Variants in RRP15 observed in about 807,000 individuals in gnomAD.
The protein encoded by RRP15 is ribosomal RNA processing 15 homolog.
RRP15 carries 18 observed loss-of-function variants against 27.1 expected under a neutral mutation model. The observed-to-expected ratio is 0.66, with a 90% CI of 0.46 to 0.98. The LOEUF is 0.98. Ranked by LOEUF, RRP15 falls within the 50% of genes least tolerant of loss-of-function variation. RRP15 has a pLI of 0.00. For synonymous variants in RRP15, 107 were observed against 109.4 expected (o/e 0.98, Z 0.14); for missense variants, 359 against 337.8 (o/e 1.06, Z -0.49).
intron 1 of RRP15, among the ~76,000 whole-genome samples, chr1:218,287,718 A>G (rs1331367861): frequency 6.6e-6 from 1 of 152,206 alleles, no homozygotes; most frequent in African/African-American, 2.4e-5. Context: ...TACGTGTATT[A>G]TTGATAATAT....
At position 218,337,155 on chromosome 1, in the gene RRP15, G is replaced by A. The variant is rs1411517140; in HGVS notation, c.*6064G>A. On this transcript the variant is annotated 3_prime_UTR_variant, in exon 5 of 5. Transcript: ENST00000366932. The stretch of plus-strand genomic sequence containing the variant: ...GTCTATCTAGCACAGTGCCTGTTAT[G>A]TAGTAGCGTGTCAAGAGATGTTCTC... 6.6e-6 allele frequency: 1 copy of A among 152,196 alleles called. No individual in the cohort carries two copies. The highest frequency in any genetic ancestry group is 6.5e-5 in the Admixed American group (1 of 15,274). 9.4% of individuals were successfully genotyped at this position (152,196 alleles called of 1,614,324 possible).
At chr1:218,299,529 T>C (rs985082809) in intron 1 of RRP15, among the ~76,000 whole-genome samples, 3 of 152,144 alleles carry the variant, frequency 2.0e-5, no homozygotes, top group African/African-American at 7.2e-5. Flanking sequence ...TACAGTACCA[T>C]TGAAAAACAT....
Position 218,298,175 on chromosome 1 carries a change from G to A in RRP15, c.140-4119G>A, listed in dbSNP as rs113422346. 4.6e-5 allele frequency among the ~76,000 whole-genome samples: 7 copies of A among 152,066 alleles called. No homozygotes were observed. In the South Asian group the frequency reaches 6.2e-4, roughly 14 times the overall value. On this transcript the variant is annotated intron_variant, in intron 1 of 4. Coordinates refer to ENST00000366932, the MANE Select transcript of RRP15 (RefSeq NM_016052.4). ...TGGTTCTAGGTTCAGTGATCTTGCC[G>A]TCTGATCAACTGGCTTGGGTTATGG...
rs372973544 is a variant in RRP15 at position 218,285,495 on chromosome 1, G to A, written c.139+40G>A. Reference sequence around the variant, plus strand: ...CTGAGCTTTGGTGTCTGGGAGGAAAGGCGGGGCTGAGTTCGTGTCAAGCAG... The same window carrying A: ...CTGAGCTTTGGTGTCTGGGAGGAAAAGCGGGGCTGAGTTCGTGTCAAGCAG... On this transcript the variant is annotated intron_variant, in intron 1 of 4. Transcript: ENST00000366932. 1.6e-5 allele frequency: 26 copies of A among 1,611,362 alleles called. No individual in the cohort carries two copies. In the African/African-American group the frequency reaches 2.0e-4, roughly 12 times the overall value.
intron 4 of RRP15, among the ~76,000 whole-genome samples, chr1:218,319,209 C>T (rs1170593909): frequency 2.0e-5 from 3 of 151,172 alleles, no homozygotes; most frequent in Non-Finnish European, 3.0e-5. Flanking sequence ...GGATTACAGG[C>T]GCCCGCCACG....
intron 1 of RRP15, 150 bp downstream of exon 1, chr1:218,285,605 T>A: frequency 1.1e-6 from 1 of 913,478 alleles, no homozygotes; most frequent in Non-Finnish European, 1.7e-6. Context: ...GTGAGGAGGC[T>A]TGGGGAAGTC....
Position 218,302,205 on chromosome 1 carries a change from G to A in RRP15, c.140-89G>A, listed in dbSNP as rs1402658991. On this transcript the variant is annotated intron_variant, in intron 1 of 4. Coordinates refer to ENST00000366932, the MANE Select transcript of RRP15 (RefSeq NM_016052.4). ...TACCCCCCTTGCAAAAATGGGGACA[G>A]GCAGAGCTCCAGGAAGGGTTCGGGG... 5.1e-5 allele frequency: 49 copies of A among 966,364 alleles called. No individual in the cohort carries two copies. In the East Asian group the frequency reaches 1.1e-3, roughly 21 times the overall value. The allele number at this position is 966,364 out of a possible 1,614,324, so 59.9% of individuals were successfully genotyped here.
intron 1 of RRP15, among the ~76,000 whole-genome samples, chr1:218,294,503 A>G (rs1000212412): frequency 3.9e-5 from 6 of 152,198 alleles, no homozygotes; most frequent in Admixed American, 1.3e-4. Flanking sequence ...TGGGTTTATT[A>G]TAAAGCATAT....
intron 1 of RRP15, among the ~76,000 whole-genome samples, chr1:218,286,335 C>A (rs1310594557): frequency 6.6e-6 from 1 of 152,142 alleles, no homozygotes; most frequent in Non-Finnish European, 1.5e-5. Context: ...CATGCCATAC[C>A]GGTATGCTTG....
intron 4 of RRP15, among the ~76,000 whole-genome samples, chr1:218,308,158 G>A (rs1424332407): frequency 4.7e-5 from 6 of 126,742 alleles, no homozygotes; most frequent in African/African-American, 8.9e-5. Flanking sequence ...TGAAACCTCC[G>A]CCTCCCAGGT....
intron 1 of RRP15, among the ~76,000 whole-genome samples, chr1:218,291,360 A>C (rs1655636966): frequency 6.7e-6 from 1 of 150,256 alleles, no homozygotes; most frequent in African/African-American, 2.5e-5. Flanking sequence ...CATAAGAATC[A>C]CTTGAACCTG....
chr1:218,303,271 C>T (rs576357185), intron 2 of RRP15, among the ~76,000 whole-genome samples: 2 of 152,132 alleles, frequency 1.3e-5, no homozygotes, highest in Non-Finnish European at 2.9e-5. Flanking sequence ...AATGTACTGG[C>T]AGCATAGAAG....
intron 2 of RRP15, among the ~76,000 whole-genome samples, 159 bp from the exon 3 acceptor site, chr1:218,304,869 T>C (rs1655871940): frequency 6.6e-6 from 1 of 152,204 alleles, no homozygotes; most frequent in Admixed American, 6.5e-5. Context: ...CCACAGGCTC[T>C]CGAAGCTAAA....
At chr1:218,323,591 C>A (rs866418999) in intron 4 of RRP15, among the ~76,000 whole-genome samples, 9 of 152,316 alleles carry the variant, frequency 5.9e-5, no homozygotes, top group Admixed American at 2.0e-4. Context: ...GAAGGTGGGG[C>A]CTCACCGGGG....
In RRP15 at chr1:218,307,519, C is replaced by T. The variant is rs546410420; in HGVS notation, c.592C>T (p.Arg198Cys). 1.8e-5 allele frequency: 29 copies of T among 1,613,636 alleles called. No individual in the cohort carries two copies. The highest frequency in any genetic ancestry group is 1.3e-4 in the East Asian group (6 of 44,848). The change falls in exon 4 of 5, where the codon CGT becomes TGT. Residue 198 changes from arginine to cysteine, a missense_variant. Transcript: ENST00000366932. ...VKEAGSSMRK[R>C]AKLISTVSKK... ...GGAAGCTGGAAGTTCTATGAGAAAG[C>T]GTGCTAAGTTGATATCAACTGTTTC...
chr1:218,285,330 C>G lies in RRP15; in HGVS notation c.14C>G (p.Ala5Gly). Residue 5 changes from alanine to glycine, a missense_variant, in exon 1 of 5, where the codon GCT becomes GGT. Ala to Gly is a moderately conservative substitution (Grantham distance 60). Coordinates refer to ENST00000366932, the MANE Select transcript of RRP15 (RefSeq NM_016052.4). ...CGGCGCAGAAAAATGGCAGCCGCCG[C>G]TCCGGACTCACGTGTGAGTGAGGAA... Reference protein sequence around the residue: MAAAAPDSRVSEEEN... With the variant: MAAAGPDSRVSEEEN... The G allele has an allele frequency of 6.2e-7, 1 of 1,613,956 alleles. No homozygotes were observed. The highest frequency in any genetic ancestry group is 8.5e-7 in the Non-Finnish European group (1 of 1,179,944).
intron 1 of RRP15, among the ~76,000 whole-genome samples, chr1:218,296,421 A>T (rs775773435): frequency 5.9e-5 from 9 of 152,130 alleles, no homozygotes; most frequent in Non-Finnish European, 1.3e-4. Flanking sequence ...TGGAAGGCTG[A>T]GGTGGGTTGA....
At chr1:218,313,676 G>A (rs957324504) in intron 4 of RRP15, among the ~76,000 whole-genome samples, 1 of 152,150 alleles carries the variant, frequency 6.6e-6, no homozygotes, top group Non-Finnish European at 1.5e-5. Flanking sequence ...AGTATGGTGA[G>A]GCCACCTGGG....
At chr1:218,285,730 A>G (rs1172670897) in intron 1 of RRP15, among the ~76,000 whole-genome samples, 1 of 152,150 alleles carries the variant, frequency 6.6e-6, no homozygotes, top group East Asian at 1.9e-4. Context: ...ACCTGCAGCT[A>G]CCGAGAAACT....
Sources: gnomAD v4.1 joint callset for allele counts (sites outside exome capture counted in the v4.1 genomes callset) on GRCh38, gnomAD v4.1.1 for gene constraint, MANE v1.5 for transcripts, NCBI Gene and HGNC (gene_info 2026-07-23, HGNC 2026-07-21) for gene names.